The following PACS2 variants were observed in gnomAD, a reference collection of about 807,000 sequenced individuals.
PACS2 encodes phosphofurin acidic cluster sorting protein 2.
Under a neutral mutation model 113.0 loss-of-function variants are expected in PACS2, and 36 were observed. The observed-to-expected ratio is 0.32, with a 90% CI of 0.24 to 0.42. The LOEUF (loss-of-function observed/expected upper bound fraction) is 0.42. Among genes scored for constraint, PACS2 ranks in the 10% least tolerant of loss-of-function variants. The pLI is 1.00. For missense variants in PACS2, 1,015 were observed against 1,239.5 expected (o/e 0.82, Z 2.72); for synonymous variants, 589 against 536.1 (o/e 1.10, Z -1.36).
At chr14:105,346,165 C>T (rs1440213632) in intron 1 of PACS2, among the ~76,000 whole-genome samples, 20 of 152,134 alleles carry the variant, frequency 1.3e-4, no homozygotes, top group Admixed American at 1.3e-3. Context: ...AGCTCCATGC[C>T]TGTTTACCTA....
rs587728045 is a variant in PACS2 at position 105,398,044 on chromosome 14, T to C, written c.*3372T>C. The C allele has an allele frequency of 6.6e-6, 1 of 152,336 alleles. No individual in the cohort carries two copies. Among genetic ancestry groups the C allele is most frequent in the African/African-American group, 2.4e-5 (1 of 41,576 alleles). The allele number at this position is 152,336 out of a possible 1,614,324, so 9.4% of individuals were successfully genotyped here. ...AGTTTTTTTTAATGAAACCCTGGAT[T>C]AATGTAAATAGCTTTTTGGGGAACG... is the stretch of plus-strand genomic sequence containing the variant. On this transcript the variant is annotated 3_prime_UTR_variant, in exon 25 of 25. Transcript: ENST00000447393.
intron 11 of PACS2, among the ~76,000 whole-genome samples, chr14:105,380,659 C>T (rs77803020): frequency 0.05 from 7,541 of 152,292 alleles, 639 homozygotes; most frequent in African/African-American, 0.17. Context: ...CACCCAGGAA[C>T]GCCTGGTTCC....
intron 1 of PACS2, among the ~76,000 whole-genome samples, chr14:105,318,956 T>G (rs1249788621): frequency 4.8e-5 from 5 of 104,710 alleles, no homozygotes; most frequent in African/African-American, 7.4e-5. Flanking sequence ...CACCACGCCC[T>G]GCCTATTTTA....
intron 8 of PACS2, chr14:105,371,590 C>G (rs2061155770): frequency 6.6e-6 from 1 of 152,220 alleles, no homozygotes; most frequent in Admixed American, 6.5e-5. Flanking sequence ...CACTCCCTTT[C>G]CTGAAAAGAC....
chr14:105,391,534 A>C, intron 21 of PACS2, 97 bp from the exon 22 acceptor site: 1 of 421,674 alleles, frequency 2.4e-6, no homozygotes, highest in Non-Finnish European at 4.4e-6. Context: ...CACCCCCAGG[A>C]GCTGCCTGGC....
intron 1 of PACS2, among the ~76,000 whole-genome samples, chr14:105,305,697 T>C (rs1025821826): frequency 3.9e-5 from 6 of 152,220 alleles, no homozygotes; most frequent in African/African-American, 1.4e-4. Flanking sequence ...AGAACTGCCC[T>C]GGGGACCGGT....
chr14:105,383,674 A>G (rs2081073776), intron 16 of PACS2, 161 bp downstream of exon 16: 1 of 605,008 alleles, frequency 1.7e-6, no homozygotes, highest in Admixed American at 3.3e-5. Flanking sequence ...CCTGCTTGCT[A>G]CACATTTGTT....
chr14:105,352,516 G>T (rs1555404247), intron 3 of PACS2, 49 bp downstream of exon 3: 1 of 1,181,714 alleles, frequency 8.5e-7, no homozygotes. Context: ...GTCCCCTGGG[G>T]AGACGGGCCC....
chr14:105,310,445 G>A (rs1382669400), upstream of PACS2, among the ~76,000 whole-genome samples: 1 of 146,504 alleles, frequency 6.8e-6, no homozygotes, highest in African/African-American at 2.5e-5. Flanking sequence ...CAGGAGAATG[G>A]CATGAACCCG....
At chr14:105,345,739 G>A (rs1440604507) in intron 1 of PACS2, among the ~76,000 whole-genome samples, 1 of 152,182 alleles carries the variant, frequency 6.6e-6, no homozygotes, top group African/African-American at 2.4e-5. Context: ...TGAAGGATTT[G>A]TGGTGTGACC....
Position 105,354,925 on chromosome 14 carries a change from C to T in PACS2, c.298-127C>T, listed in dbSNP as rs906000189. 24 of 855,038 alleles carry T rather than the reference C, an allele frequency of 2.8e-5. No individual in the cohort carries two copies. Among genetic ancestry groups the T allele is most frequent in the Non-Finnish European group, 4.3e-5 (24 of 552,572 alleles). 53.0% of individuals were successfully genotyped at this position (855,038 alleles called of 1,614,324 possible). A position where few individuals can be genotyped will look rare whatever the true frequency, so the allele number is the denominator to read the frequency against. On this transcript the variant is annotated intron_variant, in intron 3 of 24. Coordinates refer to ENST00000447393, the MANE Select transcript of PACS2 (RefSeq NM_001100913.3). The surrounding 1 kb of genome is among the most constrained non-coding windows in gnomAD (Gnocchi z 4.2). Reference sequence around the variant, plus strand: ...GAACTTGGGGGCCCGTCTGTGGGTGCCCTTCCGATCTCATGGGCAGCAGGT... The same window carrying T: ...GAACTTGGGGGCCCGTCTGTGGGTGTCCTTCCGATCTCATGGGCAGCAGGT...
rs113355593 is a variant in PACS2 at position 105,374,154 on chromosome 14, CAA to C, written c.802-2598_802-2597del. On this transcript the variant is annotated intron_variant, in intron 8 of 24. Transcript: ENST00000447393. ...TGGGCGACACAGCGAGACTCTGTCTCAAAAAAAAAAAAAAAAACTTGAAATGG... is the reference window on the plus strand; with the variant it reads ...TGGGCGACACAGCGAGACTCTGTCTCAAAAAAAAAAAAAAACTTGAAATGG... Among the ~76,000 whole-genome samples the C allele has an allele frequency of 9.5e-4, 78 of 81,834 alleles. No individual in the cohort carries two copies. The East Asian group carries it at 0.013, about 14-fold the overall frequency. The allele number at this position is 81,834 out of a possible 152,430, so 53.7% of individuals were successfully genotyped here.
intron 2 of PACS2, among the ~76,000 whole-genome samples, chr14:105,349,757 G>C (rs1237243545): frequency 1.3e-5 from 2 of 152,280 alleles, no homozygotes; most frequent in Non-Finnish European, 2.9e-5. Flanking sequence ...CTGGTGGCCA[G>C]GTTCCCCGGG....
chr14:105,314,240 G>A (rs916383626), upstream of PACS2, among the ~76,000 whole-genome samples: 12 of 152,112 alleles, frequency 7.9e-5, no homozygotes, highest in Admixed American at 3.3e-4. Flanking sequence ...CCAACCCAGC[G>A]GGGGTCGGCA....
Position 105,348,654 on chromosome 14 carries a change from C to G in PACS2, c.207+74C>G. 1 of 1,097,372 alleles carries G rather than the reference C, an allele frequency of 9.1e-7. No homozygotes were observed. The highest frequency in any genetic ancestry group is 1.4e-6 in the Non-Finnish European group (1 of 720,746). The allele number at this position is 1,097,372 out of a possible 1,614,324, so 68.0% of individuals were successfully genotyped here. On this transcript the variant is annotated intron_variant, in intron 2 of 24. Transcript: ENST00000447393. The surrounding 1 kb of genome is among the most constrained non-coding windows in gnomAD (Gnocchi z 6.4). Reference sequence around the variant, plus strand: ...CCATGTGCCTGGGAGACGAGTCAGGCGGTGCGCTACTGTGGGGCCTTGTGC... The same window carrying G: ...CCATGTGCCTGGGAGACGAGTCAGGGGGTGCGCTACTGTGGGGCCTTGTGC...
Position 105,381,095 on chromosome 14 carries a change from A to G in PACS2, c.1264A>G (p.Thr422Ala). ...GACAGAGTCCCTTGTCATCCCCTCC[A>G]CCAGGTGATGGGGGCTGCACGGCGG... Reference protein sequence around the residue: ...TKTESLVIPSTRSEGKQAGRR... With the variant: ...TKTESLVIPSARSEGKQAGRR... Residue 422 changes from threonine (T) to alanine (A), a missense_variant, in exon 12 of 25, where the codon ACC (threonine) becomes GCC (alanine). Physicochemically the swap from Thr to Ala is moderately conservative, Grantham distance 58. Transcript: ENST00000447393. 1.2e-6 allele frequency: 2 copies of G among 1,610,236 alleles called. No individual in the cohort carries two copies. The highest frequency in any genetic ancestry group is 2.2e-5 in the South Asian group (2 of 90,760).
intron 4 of PACS2, among the ~76,000 whole-genome samples, chr14:105,364,421 TCCCGGGTGCGC>T (rs2060866063): frequency 1.0e-4 from 7 of 68,064 alleles, no homozygotes; most frequent in African/African-American, 6.9e-4. Context: ...GTGGGCGGTG[TCCCGGGTGCGC>T]GGTGGGCGGC....
rs2141340664 is a variant in PACS2 at position 105,396,473 on chromosome 14, T to G, written c.*1801T>G. ...CCCAAGCTGGGCTGCAGAGCATCTGTTTTTCTGCTCTCCAGTTTCTTTTCT... is the reference window on the plus strand; with the variant it reads ...CCCAAGCTGGGCTGCAGAGCATCTGGTTTTCTGCTCTCCAGTTTCTTTTCT... On this transcript the variant is annotated 3_prime_UTR_variant, in exon 25 of 25. Coordinates refer to ENST00000447393, the MANE Select transcript of PACS2 (RefSeq NM_001100913.3). 1 of 153,234 alleles carries G rather than the reference T, an allele frequency of 6.5e-6. No homozygotes were observed. The highest frequency in any genetic ancestry group is 1.9e-4 in the East Asian group (1 of 5,222). 9.5% of individuals were successfully genotyped at this position (153,234 alleles called of 1,614,324 possible).
intron 1 of PACS2, among the ~76,000 whole-genome samples, chr14:105,344,701 C>G (rs1245793126): frequency 6.6e-6 from 1 of 152,178 alleles, no homozygotes; most frequent in East Asian, 1.9e-4. Flanking sequence ...TCCCAAAGAA[C>G]TAGCATTTGG....
Sources: gnomAD v4.1 joint callset for allele counts (sites outside exome capture counted in the v4.1 genomes callset) on GRCh38, gnomAD v4.1.1 for gene constraint, Gnocchi (gnomAD v3.1) non-coding constraint, MANE v1.5 for transcripts, NCBI Gene and HGNC (gene_info 2026-07-23, HGNC 2026-07-21) for gene names.